CMAS: variants seen among roughly 807,000 people sequenced by gnomAD.
CMAS encodes the protein N-acylneuraminate cytidylyltransferase.
Under a neutral mutation model 53.4 loss-of-function variants are expected in CMAS, and 21 were observed. That is an observed-to-expected ratio of 0.39 (90% CI 0.28 to 0.57). The LOEUF is 0.57. CMAS is among the 20% of genes least tolerant of loss of function. CMAS has a pLI of 0.56. For synonymous variants in CMAS, 189 were observed against 195.2 expected (o/e 0.97, Z 0.27); for missense variants, 384 against 534.9 (o/e 0.72, Z 2.78).
intron 7 of CMAS, among the ~76,000 whole-genome samples, chr12:22,063,349 A>ATGTT (rs1392397938): frequency 1.5e-4 from 23 of 152,336 alleles, no homozygotes; most frequent in African/African-American, 3.8e-4. Flanking sequence ...ATGCTGCAGA[A>ATGTT]TGTTTGTTAA....
rs1950203564 is a variant in CMAS at position 22,046,238 on chromosome 12, C to G, written c.-66C>G. Reference sequence around the variant, plus strand: ...CTGCCAGGCGGGGATCGGGCGGCGCCGAGCTGAGGTGGTGAGGGACTAGCT... The same window carrying G: ...CTGCCAGGCGGGGATCGGGCGGCGCGGAGCTGAGGTGGTGAGGGACTAGCT... On this transcript the variant is annotated 5_prime_UTR_variant, in exon 1 of 8. Transcript: ENST00000229329. 15 of 1,363,502 alleles carry G rather than the reference C, an allele frequency of 1.1e-5. No homozygotes were observed. The highest frequency in any genetic ancestry group is 6.8e-5 in the South Asian group (4 of 59,100). The allele number at this position is 1,363,502 out of a possible 1,614,324, so 84.5% of individuals were successfully genotyped here. A position where few individuals can be genotyped will look rare whatever the true frequency, so the allele number is the denominator to read the frequency against.
chr12:22,060,825 C>T lies in CMAS; in HGVS notation c.694-7C>T, dbSNP rs1381925300. On this transcript the variant is annotated splice_polypyrimidine_tract_variant and splice_region_variant and intron_variant, in intron 4 of 7. Coordinates refer to ENST00000229329, the MANE Select transcript of CMAS (RefSeq NM_018686.6). ...AACAGTATTCATGACATTTATACTA[C>T]CTTTAGGGTGGAAAAATGGCATACT... is the stretch of plus-strand genomic sequence containing the variant. The T allele has an allele frequency of 5.8e-6, 9 of 1,553,040 alleles. No individual in the cohort carries two copies. Among genetic ancestry groups the T allele is most frequent in the Admixed American group, 3.3e-5 (2 of 59,892 alleles).
intron 7 of CMAS, among the ~76,000 whole-genome samples, chr12:22,062,853 G>A (rs914871477): frequency 9.9e-5 from 15 of 152,154 alleles, no homozygotes; most frequent in Admixed American, 1.3e-4. Context: ...CTAATTGAAT[G>A]TACATACTTT....
rs1176768213 is a variant in CMAS at position 22,058,676 on chromosome 12, T to C, written c.669T>C (p.His223=). The C allele has an allele frequency of 5.0e-6, 8 of 1,613,470 alleles. No homozygotes were observed. Among genetic ancestry groups the C allele is most frequent in the Middle Eastern group, 1.6e-4 (1 of 6,084 alleles). ...GCTCATTTTATTTTGCTAAAAGACA[T>C]TTGATAGAGATGGGTTACTTGCAGG... The part of the protein sequence containing the change: ...ENGSFYFAKR[H]LIEMGYLQGG... The change falls in exon 4 of 8, where the codon CAT becomes CAC. Residue 223 remains histidine, a synonymous_variant. Coordinates refer to ENST00000229329, the MANE Select transcript of CMAS (RefSeq NM_018686.6).
At chr12:22,054,284 A>C (rs1950254632) in intron 1 of CMAS, among the ~76,000 whole-genome samples, 1 of 152,132 alleles carries the variant, frequency 6.6e-6, no homozygotes, top group Non-Finnish European at 1.5e-5. Flanking sequence ...GGAATTTGTG[A>C]CTGTCCAGGA....
chr12:22,048,417 C>G (rs868056910), intron 1 of CMAS, among the ~76,000 whole-genome samples: 1 of 152,106 alleles, frequency 6.6e-6, no homozygotes, highest in Non-Finnish European at 1.5e-5. Flanking sequence ...TTGCTCCAAA[C>G]CTCTGCTCCA....
chr12:22,065,568 G>A lies in CMAS; in HGVS notation c.*257G>A, dbSNP rs149995748. The A allele has an allele frequency of 4.8e-5, 14 of 290,846 alleles. No homozygotes were observed. Among genetic ancestry groups the A allele is most frequent in the African/African-American group, 3.0e-4 (14 of 46,642 alleles). 18.0% of individuals were successfully genotyped at this position (290,846 alleles called of 1,614,324 possible). On this transcript the variant is annotated 3_prime_UTR_variant, in exon 8 of 8. Transcript: ENST00000229329. Reference sequence around the variant, plus strand: ...TGTATTGTACCCTGTAAAACTGTGTGTTTGTGTGCTTTCAAAGATGTTGGG... The same window carrying A: ...TGTATTGTACCCTGTAAAACTGTGTATTTGTGTGCTTTCAAAGATGTTGGG...
chr12:22,062,141 C>G (rs1294534940), intron 6 of CMAS, 140 bp from the exon 7 acceptor site: 1 of 656,888 alleles, frequency 1.5e-6, no homozygotes, highest in African/African-American at 1.9e-5. Context: ...AGTTTTCTTA[C>G]TTGGACCTTC....
chr12:22,050,712 G>A (rs1484161147), intron 1 of CMAS, among the ~76,000 whole-genome samples: 1 of 152,006 alleles, frequency 6.6e-6, no homozygotes, highest in Non-Finnish European at 1.5e-5. Context: ...TTGTGAAGGT[G>A]GCCATGACAA....
At chr12:22,058,433 A>C in intron 3 of CMAS, 134 bp from the exon 4 acceptor site, 1 of 808,776 alleles carries the variant, frequency 1.2e-6, no homozygotes, top group Non-Finnish European at 1.9e-6. Context: ...TCAAAAAAAA[A>C]AAAAGAAAAG....
chr12:22,064,320 T>C (rs1015493662), intron 7 of CMAS, among the ~76,000 whole-genome samples: 3 of 152,148 alleles, frequency 2.0e-5, no homozygotes, highest in Non-Finnish European at 4.4e-5. Context: ...GATATCGTTA[T>C]GTCAGTATGA....
chr12:22,057,180 A>G (rs1950273290), intron 3 of CMAS, among the ~76,000 whole-genome samples: 1 of 151,450 alleles, frequency 6.6e-6, no homozygotes, highest in South Asian at 2.1e-4. Flanking sequence ...TAAACACAGA[A>G]ATGGCAGCAA....
Position 22,061,617 on chromosome 12 carries a change from T to C in CMAS, c.960+165T>C, listed in dbSNP as rs1012243767. Among the ~76,000 whole-genome samples the C allele has an allele frequency of 2.0e-5, 3 of 152,136 alleles. No individual in the cohort carries two copies. The East Asian group carries it at 5.8e-4, about 29-fold the overall frequency. On this transcript the variant is annotated intron_variant, in intron 6 of 7. Coordinates refer to ENST00000229329, the MANE Select transcript of CMAS (RefSeq NM_018686.6). ...ATTATACTATTTAGTTTTAGATGAG[T>C]AGAATTAGGAATTTGTTAATCAGCA...
chr12:22,054,332 A>G (rs570484013), intron 1 of CMAS, among the ~76,000 whole-genome samples: 2 of 152,238 alleles, frequency 1.3e-5, no homozygotes, highest in Non-Finnish European at 2.9e-5. Context: ...CCTCTCCAAA[A>G]CAGCATTTTG....
intron 1 of CMAS, among the ~76,000 whole-genome samples, chr12:22,048,265 T>C (rs572329298): frequency 2.7e-4 from 41 of 152,330 alleles, no homozygotes; most frequent in South Asian, 1.4e-3. Flanking sequence ...TTATGATAAA[T>C]ATTTTTAAGA....
rs1211302535 is a variant in CMAS, at chr12:22,046,708, C to T, written c.260+145C>T. On this transcript the variant is annotated intron_variant, in intron 1 of 7. Coordinates refer to ENST00000229329, the MANE Select transcript of CMAS (RefSeq NM_018686.6). ...CAGGGATGTGCAAGATCCGGGGTGC[C>T]TGGGGCCGGGCTGAGAGCCCAGGAG... The T allele has an allele frequency of 4.9e-6, 5 of 1,024,710 alleles. No homozygotes were observed. In the South Asian group the frequency reaches 7.6e-5, roughly 16 times the overall value. The allele number at this position is 1,024,710 out of a possible 1,614,324, so 63.5% of individuals were successfully genotyped here.
At chr12:22,046,646 G>C in intron 1 of CMAS, 83 bp downstream of exon 1, 7 of 1,360,046 alleles carry the variant, frequency 5.1e-6, no homozygotes, top group East Asian at 2.8e-5. Context: ...TGGGGCCTCC[G>C]GGGCCACCGC....
At chr12:22,051,914 C>T (rs1436174729) in intron 1 of CMAS, among the ~76,000 whole-genome samples, 1 of 152,000 alleles carries the variant, frequency 6.6e-6, no homozygotes, top group Non-Finnish European at 1.5e-5. Context: ...ATATTTAATC[C>T]TCTAAACCAT....
At chr12:22,053,390 TAC>T (rs748511195) in intron 1 of CMAS, among the ~76,000 whole-genome samples, 3,993 of 150,656 alleles carry the variant, frequency 0.027, 171 homozygotes, top group African/African-American at 0.091. Context: ...TGTATACATA[TAC>T]ACACACACAT....
Sources: allele counts gnomAD v4.1 joint callset (sites outside exome capture counted in the v4.1 genomes callset), GRCh38; gene constraint gnomAD v4.1.1; transcripts MANE v1.5; gene names NCBI Gene and HGNC (gene_info 2026-07-23, HGNC 2026-07-21).